The following AGPS variants were observed in gnomAD, a reference collection of about 807,000 sequenced individuals.
AGPS encodes the protein alkylglycerone phosphate synthase, also known as alkyldihydroxyacetonephosphate synthase, peroxisomal.
In AGPS, 26 loss-of-function variants were observed where a neutral mutation model predicts 90.7. The observed-to-expected ratio is 0.29, with a 90% CI of 0.21 to 0.40. The LOEUF (loss-of-function observed/expected upper bound fraction) is 0.40. Ranked by LOEUF, AGPS falls within the 10% of genes least tolerant of loss-of-function variation. AGPS has a pLI of 1.00. For synonymous variants in AGPS, 294 were observed against 285.3 expected (o/e 1.03, Z -0.31); for missense variants, 540 against 816.1 (o/e 0.66, Z 4.12).
intron 8 of AGPS, among the ~76,000 whole-genome samples, chr2:177,454,551 C>T (rs190778979): frequency 1.3e-5 from 2 of 150,378 alleles, no homozygotes; most frequent in South Asian, 2.1e-4. Flanking sequence ...GGTGTTTTCC[C>T]GCTTCTTTGT....
intron 1 of AGPS, among the ~76,000 whole-genome samples, chr2:177,413,707 C>T (rs912626152): frequency 4.4e-4 from 67 of 152,278 alleles, no homozygotes; most frequent in African/African-American, 1.5e-3. Context: ...TTCCTCATTA[C>T]GTAGATCAAC....
intron 9 of AGPS, among the ~76,000 whole-genome samples, chr2:177,464,436 T>G (rs1407185180): frequency 6.6e-6 from 1 of 152,224 alleles, no homozygotes; most frequent in East Asian, 1.9e-4. Context: ...GCATATTTAA[T>G]TAAAGCACAG....
chr2:177,400,312 C>CT (rs1392905403), intron 1 of AGPS, among the ~76,000 whole-genome samples: 5 of 152,158 alleles, frequency 3.3e-5, no homozygotes, highest in African/African-American at 1.2e-4. Context: ...AAGTCCAACT[C>CT]TATTACTCAA....
chr2:177,507,883 C>G, intron 15 of AGPS, 87 bp from the exon 16 acceptor site: 5 of 957,034 alleles, frequency 5.2e-6, no homozygotes, highest in Non-Finnish European at 8.5e-6. Context: ...ACATGTGATA[C>G]TAACAATGAA....
intron 18 of AGPS, among the ~76,000 whole-genome samples, 185 bp downstream of exon 18, chr2:177,521,553 A>T (rs1211612607): frequency 5.3e-5 from 8 of 152,232 alleles, no homozygotes; most frequent in Non-Finnish European, 8.8e-5. Context: ...GTCTAAAATT[A>T]AGGTACTGTA....
At chr2:177,419,191 A>G (rs1273617388) in intron 1 of AGPS, among the ~76,000 whole-genome samples, 1 of 151,644 alleles carries the variant, frequency 6.6e-6, no homozygotes, top group Admixed American at 6.6e-5. Flanking sequence ...TTGAACTAGA[A>G]CAAGAATTAT....
chr2:177,510,500 T>C (rs1443452636), intron 16 of AGPS, among the ~76,000 whole-genome samples: 1 of 152,208 alleles, frequency 6.6e-6, no homozygotes, highest in East Asian at 1.9e-4. Flanking sequence ...TAAGAGTTAA[T>C]GAATTTCCTT....
chr2:177,427,274 C>G (rs1686112616), intron 2 of AGPS, among the ~76,000 whole-genome samples: 1 of 151,960 alleles, frequency 6.6e-6, no homozygotes, highest in African/African-American at 2.4e-5. Flanking sequence ...AGCTAGCAGT[C>G]TGCCTATTTA....
At chr2:177,398,683 G>A (rs1685252028) in intron 1 of AGPS, among the ~76,000 whole-genome samples, 1 of 150,972 alleles carries the variant, frequency 6.6e-6, no homozygotes, top group Non-Finnish European at 1.5e-5. Context: ...ATATAGTTAA[G>A]AAGGCATTAG....
intron 11 of AGPS, among the ~76,000 whole-genome samples, chr2:177,483,892 A>G (rs3769995): frequency 0.1 from 15,911 of 152,184 alleles, 1,172 homozygotes; most frequent in East Asian, 0.35. Flanking sequence ...TCCATCATTC[A>G]AAGGCAGAGG....
intron 8 of AGPS, among the ~76,000 whole-genome samples, chr2:177,454,433 A>G (rs1687052148): frequency 6.6e-6 from 1 of 151,828 alleles, no homozygotes; most frequent in South Asian, 2.1e-4. Flanking sequence ...TACTTTTTGA[A>G]CATATAGAAT....
At position 177,461,988 on chromosome 2, in the gene AGPS, G is replaced by A. The variant is rs2105666355; in HGVS notation, c.966G>A (p.Lys322=). ...GWVSTRASGM[K]KNIYGNIEDL... Reference sequence around the variant, plus strand: ...TATCTACTCGCGCATCAGGCATGAAGAAGAATATCTATGGCAATATCGAGG... The same window carrying A: ...TATCTACTCGCGCATCAGGCATGAAAAAGAATATCTATGGCAATATCGAGG... Residue 322 remains lysine (K), a synonymous_variant, in exon 9 of 20, where the codon AAG becomes AAA. Transcript: ENST00000264167. 2 of 1,611,982 alleles carry A rather than the reference G, an allele frequency of 1.2e-6. No individual in the cohort carries two copies. The highest frequency in any genetic ancestry group is 2.2e-5 in the South Asian group (2 of 91,030).
chr2:177,478,196 T>C (rs567158288), intron 10 of AGPS, among the ~76,000 whole-genome samples: 2 of 152,362 alleles, frequency 1.3e-5, no homozygotes, highest in African/African-American at 2.4e-5. Context: ...TTTCATTGTT[T>C]CTGCTGATAA....
chr2:177,482,030 A>G, intron 10 of AGPS, 29 bp from the exon 11 acceptor site: 3 of 1,573,710 alleles, frequency 1.9e-6, no homozygotes, highest in Non-Finnish European at 1.7e-6. Flanking sequence ...CATGTGATGT[A>G]CTGGATTATT....
intron 17 of AGPS, among the ~76,000 whole-genome samples, chr2:177,519,578 G>A (rs1689121763): frequency 6.6e-6 from 1 of 152,082 alleles, no homozygotes; most frequent in Admixed American, 6.5e-5. Flanking sequence ...TATTTATTTT[G>A]TTGTCATTTA....
intron 10 of AGPS, among the ~76,000 whole-genome samples, chr2:177,475,148 A>G (rs1056379923): frequency 6.6e-6 from 1 of 152,254 alleles, no homozygotes; most frequent in Admixed American, 6.5e-5. Context: ...ATTTATTTGT[A>G]ACAACAACTA....
chr2:177,434,873 A>G (rs1055271012), intron 3 of AGPS, among the ~76,000 whole-genome samples: 1 of 151,502 alleles, frequency 6.6e-6, no homozygotes, highest in Non-Finnish European at 1.5e-5. Flanking sequence ...GTATTAGGAT[A>G]TTTAGAATAT....
intron 9 of AGPS, among the ~76,000 whole-genome samples, chr2:177,465,730 C>T (rs542233872): frequency 9.2e-5 from 14 of 152,344 alleles, no homozygotes; most frequent in South Asian, 2.1e-4. Flanking sequence ...AGCTTGGAGA[C>T]GCCAGGGACT....
intron 17 of AGPS, among the ~76,000 whole-genome samples, chr2:177,516,917 A>G (rs1480922739): frequency 6.6e-6 from 1 of 152,104 alleles, no homozygotes; most frequent in Admixed American, 6.5e-5. Flanking sequence ...GTAAATATTC[A>G]AGGGATCTTT....
Sources: gnomAD v4.1 joint callset for allele counts (sites outside exome capture counted in the v4.1 genomes callset) on GRCh38, gnomAD v4.1.1 for gene constraint, MANE v1.5 for transcripts, NCBI Gene and HGNC (gene_info 2026-07-23, HGNC 2026-07-21) for gene names.